Variants in BAD observed in about 807,000 individuals in gnomAD.
BAD encodes bcl2-associated agonist of cell death.
In BAD, 18 loss-of-function variants were observed where a neutral mutation model predicts 17.8. The observed-to-expected ratio is 1.01, with a 90% CI of 0.70 to 1.50. The LOEUF (loss-of-function observed/expected upper bound fraction) is 1.50, where lower values mean the gene tolerates loss of function less well. BAD is among the 40% of genes most tolerant of loss of function. BAD has a pLI of 0.00. For missense variants in BAD, 294 were observed against 239.3 expected, an observed-to-expected ratio of 1.23 and a Z score of -1.51; for synonymous variants, 112 against 91.5, an observed-to-expected ratio of 1.22 and a Z score of -1.28.
intron 3 of BAD, among the ~76,000 whole-genome samples, chr11:64,270,898 GAGACACACAC>G (rs1412320330): frequency 9.2e-5 from 8 of 86,844 alleles, no homozygotes; most frequent in Non-Finnish European, 1.4e-4. Flanking sequence ...CATGCCCTGT[GAGACACACAC>G]ACACACACAC....
intron 2 of BAD, among the ~76,000 whole-genome samples, chr11:64,273,855 C>CA (rs34577596): frequency 0.2 from 10,841 of 54,868 alleles, 2,190 homozygotes; most frequent in Middle Eastern, 0.32. Context: ...GCACCCATCT[C>CA]AAAAAAAAAA....
chr11:64,281,784 G>C (rs867200142), intron 2 of BAD, among the ~76,000 whole-genome samples: 7 of 152,092 alleles, frequency 4.6e-5, no homozygotes, highest in African/African-American at 1.4e-4. Context: ...GCAGTGGCAC[G>C]ATCTTGGCTC....
In BAD at chr11:64,271,638, C is replaced by A; in HGVS notation, c.353G>T (p.Ser118Ile). The stretch of plus-strand genomic sequence containing the variant: ...CTTAAAGGAGTCCACAAACTCGTCA[C>A]TCATCCTCCGGAGCTCGCGGCCATA... Reference protein sequence around the residue: ...QRYGRELRRMSDEFVDSFKKG... With the variant: ...QRYGRELRRMIDEFVDSFKKG... The change falls in exon 3 of 4, where the codon AGT (serine) becomes ATT (isoleucine). Residue 118 changes from serine (S) to isoleucine (I), a missense_variant. Physicochemically the swap from Ser to Ile is moderately radical, Grantham distance 142 (BLOSUM62 -2). Transcript: ENST00000309032. 6.7e-7 allele frequency: 1 copy of A among 1,503,076 alleles called. No homozygotes were observed. The highest frequency in any genetic ancestry group is 8.9e-7 in the Non-Finnish European group (1 of 1,125,684). 93.1% of individuals were successfully genotyped at this position (1,503,076 alleles called of 1,614,324 possible). A position where few individuals can be genotyped will look rare whatever the true frequency, so the allele number is the denominator to read the frequency against.
At chr11:64,277,301 G>A (rs1435881257) in intron 2 of BAD, among the ~76,000 whole-genome samples, 2 of 152,184 alleles carry the variant, frequency 1.3e-5, no homozygotes, top group East Asian at 1.9e-4. Context: ...CAGCCTGTCC[G>A]CCTCCGGCAC....
chr11:64,284,397 G>C, intron 1 of BAD, 21 bp from the exon 2 acceptor site: 1 of 1,611,586 alleles, frequency 6.2e-7, no homozygotes, highest in Non-Finnish European at 8.5e-7. Context: ...AAGATGTTAC[G>C]TAGTCAAGGC....
At chr11:64,283,012 C>G (rs2033591435) in intron 2 of BAD, among the ~76,000 whole-genome samples, 1 of 152,244 alleles carries the variant, frequency 6.6e-6, no homozygotes, top group South Asian at 2.1e-4. Context: ...TGAGATCGCA[C>G]CTCTGTACTC....
chr11:64,280,386 C>A (rs368436941), intron 2 of BAD, among the ~76,000 whole-genome samples: 18 of 139,714 alleles, frequency 1.3e-4, no homozygotes, highest in East Asian at 4.3e-4. Context: ...GAGTCTTGCT[C>A]TGTCGCCCAG....
Position 64,284,169 on chromosome 11 carries a change from G to T in BAD, c.187+13C>A. 1 of 1,568,492 alleles carries T rather than the reference G, an allele frequency of 6.4e-7. No individual in the cohort carries two copies. On this transcript the variant is annotated intron_variant, in intron 2 of 3. Transcript: ENST00000309032. ...TGAGGTGTCCCGGCAGGTGGAGGTG[G>T]TGGGGTACTTACCTCCATGATGGCT...
Position 64,270,192 on chromosome 11 carries a change from G to C in BAD, c.*17C>G, listed in dbSNP as rs774529140. The stretch of plus-strand genomic sequence containing the variant: ...GGGCAGTGGGAACGGGTGGAGTTTC[G>C]GGATGTGGAGCGAAGGTCACTGGGA... On this transcript the variant is annotated 3_prime_UTR_variant, in exon 4 of 4. Coordinates refer to ENST00000309032, the MANE Select transcript of BAD (RefSeq NM_032989.3). The C allele has an allele frequency of 2.5e-6, 4 of 1,613,960 alleles. No individual in the cohort carries two copies. The highest frequency in any genetic ancestry group is 2.2e-5 in the South Asian group (2 of 91,050).
chr11:64,284,599 C>A, intron 1 of BAD, 32 bp downstream of exon 1: 1 of 1,499,856 alleles, frequency 6.7e-7, no homozygotes, highest in East Asian at 2.5e-5. Context: ...CCAGGCCCCG[C>A]CCCGCCCGTG....
chr11:64,273,475 CTG>C (rs1386899058), intron 2 of BAD, among the ~76,000 whole-genome samples: 11 of 152,198 alleles, frequency 7.2e-5, no homozygotes, highest in Non-Finnish European at 1.3e-4. Context: ...TCTATTTGAA[CTG>C]TGCTCTGTGC....
chr11:64,284,457 C>T (rs2033714672), intron 1 of BAD, 81 bp from the exon 2 acceptor site: 2 of 1,599,052 alleles, frequency 1.3e-6, no homozygotes, highest in Non-Finnish European at 1.7e-6. Flanking sequence ...GTACCCCTGG[C>T]TTCCTCTCCC....
At chr11:64,270,537 C>T in intron 3 of BAD, 200 bp from the exon 4 acceptor site, 3 of 763,590 alleles carry the variant, frequency 3.9e-6, no homozygotes, top group Non-Finnish European at 6.7e-6. Flanking sequence ...GGTTAGATCC[C>T]AGGAACTCCG....
intron 3 of BAD, 175 bp from the exon 4 acceptor site, chr11:64,270,512 C>T (rs1377327846): frequency 3.6e-6 from 3 of 834,584 alleles, no homozygotes; most frequent in Admixed American, 4.9e-5. Context: ...GCATGGGCCC[C>T]CAGGAATGGG....
In BAD at chr11:64,271,727, C is replaced by T. The variant is rs2032630409; in HGVS notation, c.264G>A (p.Glu88=). The T allele has an allele frequency of 5.5e-6, 8 of 1,447,114 alleles. No homozygotes were observed. The East Asian group carries it at 2.2e-4, about 39-fold the overall frequency. The allele number at this position is 1,447,114 out of a possible 1,614,324, so 89.6% of individuals were successfully genotyped here. A position where few individuals can be genotyped will look rare whatever the true frequency, so the allele number is the denominator to read the frequency against. Residue 88 remains glutamate (E), a synonymous_variant, in exon 3 of 4, where the codon GAG becomes GAA. Coordinates refer to ENST00000309032, the MANE Select transcript of BAD (RefSeq NM_032989.3). ...AGTEDDEGMG[E]EPSPFRGRSR... The stretch of plus-strand genomic sequence containing the variant: ...AGCGGCCCCGAAAGGGGCTGGGCTC[C>T]TCCCCCATCCCTTCGTCGTCCTCCG...
intron 3 of BAD, among the ~76,000 whole-genome samples, chr11:64,271,406 C>CACACACA (rs2032589137): frequency 1.1e-4 from 16 of 140,626 alleles, no homozygotes; most frequent in Non-Finnish European, 2.1e-4. Context: ...CACACACACA[C>CACACACA]CAGGCGGGGG....
intron 2 of BAD, among the ~76,000 whole-genome samples, chr11:64,273,549 C>A (rs1246141324): frequency 6.6e-6 from 1 of 151,860 alleles, no homozygotes; most frequent in Non-Finnish European, 1.5e-5. Context: ...TAGAACCACT[C>A]CCCTGAGCAA....
intron 2 of BAD, among the ~76,000 whole-genome samples, chr11:64,273,606 C>T (rs1179562121): frequency 1.3e-5 from 2 of 151,666 alleles, no homozygotes; most frequent in East Asian, 1.9e-4. Flanking sequence ...GGGGGCTGGG[C>T]GCAGTGGCTC....
At chr11:64,276,671 C>G in intron 2 of BAD, 1 of 523,114 alleles carries the variant, frequency 1.9e-6, no homozygotes, top group Non-Finnish European at 3.4e-6. Context: ...GGGAAAAACC[C>G]TGGGGGAGTG....
Sources: allele counts gnomAD v4.1 joint callset (sites outside exome capture counted in the v4.1 genomes callset), GRCh38; gene constraint gnomAD v4.1.1; transcripts MANE v1.5; gene names NCBI Gene and HGNC (gene_info 2026-07-23, HGNC 2026-07-21).